KLHL30: variants seen among roughly 807,000 people sequenced by gnomAD.
KLHL30 encodes kelch-like protein 30.
Under a neutral mutation model 55.0 loss-of-function variants are expected in KLHL30, and 55 were observed. That is an observed-to-expected ratio of 1.00 (90% CI 0.80 to 1.25). The LOEUF is 1.25. Among genes scored for constraint, KLHL30 ranks in the 50% most tolerant of loss-of-function variants. The pLI is 0.00. For missense variants in KLHL30, 786 were observed against 811.6 expected, an observed-to-expected ratio of 0.97 and a Z score of 0.38; for synonymous variants, 356 against 372.6, an observed-to-expected ratio of 0.96 and a Z score of 0.51.
intron 7 of KLHL30, among the ~76,000 whole-genome samples, chr2:238,150,052 C>T (rs1197876394): frequency 6.6e-6 from 1 of 152,204 alleles, no homozygotes; most frequent in Non-Finnish European, 1.5e-5. Context: ...CGTCACTGCT[C>T]AGCTGACCCA....
Position 238,141,369 on chromosome 2 carries a change from C to T in KLHL30, c.615C>T (p.Arg205=). ...TCGAGGCCCTGATGCGCTGGGTGCG[C>T]CATGACCCGCAGGCCCGGGCCGCCC... ...SRLEALMRWV[R]HDPQARAAHL... The change falls in exon 2 of 8, where the codon CGC becomes CGT. Residue 205 remains arginine, a synonymous_variant. Transcript: ENST00000409223. The T allele has an allele frequency of 1.9e-6, 3 of 1,597,568 alleles. No homozygotes were observed. The highest frequency in any genetic ancestry group is 1.7e-6 in the Non-Finnish European group (2 of 1,176,576).
At chr2:238,138,914 C>G (rs1327795849) in intron 1 of KLHL30, among the ~76,000 whole-genome samples, 156 bp downstream of exon 1, 1 of 152,208 alleles carries the variant, frequency 6.6e-6, no homozygotes, top group Non-Finnish European at 1.5e-5. Context: ...CCAAGCCAGG[C>G]TCCTCAGGGT....
chr2:238,145,899 A>G, intron 5 of KLHL30, 67 bp downstream of exon 5: 1 of 1,459,300 alleles, frequency 6.9e-7, no homozygotes, highest in Non-Finnish European at 9.1e-7. Flanking sequence ...AGCAACAGGA[A>G]CCGAGAGCCC....
chr2:238,144,399 G>GC (rs1268630313), intron 3 of KLHL30, among the ~76,000 whole-genome samples: 7 of 112,928 alleles, frequency 6.2e-5, no homozygotes, highest in Non-Finnish European at 1.1e-4. Flanking sequence ...AGGAAGGAAG[G>GC]AAGGAAGGAA....
rs769187122 is a variant in KLHL30 at position 238,141,000 on chromosome 2, C to T, written c.246C>T (p.Ala82=). ...ARVELRDVEP[A]VVGQLVDFVY... ...TGGAGCTGCGGGACGTGGAGCCCGC[C>T]GTGGTGGGACAACTGGTGGACTTCG... The change falls in exon 2 of 8, where the codon GCC becomes GCT. Residue 82 remains alanine (A), a synonymous_variant. Coordinates refer to ENST00000409223, the MANE Select transcript of KLHL30 (RefSeq NM_198582.4). The T allele has an allele frequency of 7.4e-6, 12 of 1,612,482 alleles. No individual in the cohort carries two copies. The African/African-American group carries it at 8.0e-5, about 11-fold the overall frequency.
chr2:238,139,247 G>C (rs968634117), intron 1 of KLHL30, among the ~76,000 whole-genome samples: 1 of 152,194 alleles, frequency 6.6e-6, no homozygotes, highest in African/African-American at 2.4e-5. Context: ...TGGCCCAAGG[G>C]AGCACAACAA....
At chr2:238,150,338 C>T (rs1279237678) in intron 7 of KLHL30, among the ~76,000 whole-genome samples, 1 of 152,202 alleles carries the variant, frequency 6.6e-6, no homozygotes, top group Non-Finnish European at 1.5e-5. Context: ...CTCTGGAAAG[C>T]CACCCGCCCT....
At chr2:238,143,113 C>T (rs923017064) in intron 3 of KLHL30, among the ~76,000 whole-genome samples, 182 bp downstream of exon 3, 6 of 152,208 alleles carry the variant, frequency 3.9e-5, no homozygotes, top group South Asian at 2.1e-4. Flanking sequence ...CGAGGTACCC[C>T]GGGAGGGGGA....
At position 238,151,953 on chromosome 2, in the gene KLHL30, C is replaced by T. The variant is rs1692764045; in HGVS notation, c.*888C>T. On this transcript the variant is annotated 3_prime_UTR_variant, in exon 8 of 8. Transcript: ENST00000409223. ...GTAGCATCCGATGGGCCCCTGCCAG[C>T]ATGCAGCCCGACTCCGGCTGGCTCA... The T allele has an allele frequency of 2.0e-6, 2 of 985,388 alleles. No homozygotes were observed. Among genetic ancestry groups the T allele is most frequent in the Non-Finnish European group, 2.4e-6 (2 of 829,972 alleles). The allele number at this position is 985,388 out of a possible 1,614,324, so 61.0% of individuals were successfully genotyped here.
Position 238,152,359 on chromosome 2 carries a change from CTTTTT to C in KLHL30, c.*1316_*1320del, listed in dbSNP as rs5839689. The C allele has an allele frequency of 2.0e-5, 2 of 98,734 alleles. No individual in the cohort carries two copies. The highest frequency in any genetic ancestry group is 3.9e-5 in the Non-Finnish European group (2 of 50,714). The allele number at this position is 98,734 out of a possible 1,614,324, so 6.1% of individuals were successfully genotyped here. Reference sequence around the variant, plus strand: ...TTGCTCCCAGACCTGCCTCTCATAGCTTTTTTTTTTTTTTTTTTTTTTTTTTGAGA... The same window carrying C: ...TTGCTCCCAGACCTGCCTCTCATAGCTTTTTTTTTTTTTTTTTTTTTGAGA... On this transcript the variant is annotated 3_prime_UTR_variant, in exon 8 of 8. Transcript: ENST00000409223.
chr2:238,147,720 G>T lies in KLHL30; in HGVS notation c.1151-114G>T. 1 of 575,358 alleles carries T rather than the reference G, an allele frequency of 1.7e-6. No homozygotes were observed. 35.6% of individuals were successfully genotyped at this position (575,358 alleles called of 1,614,324 possible). On this transcript the variant is annotated intron_variant, in intron 5 of 7. Coordinates refer to ENST00000409223, the MANE Select transcript of KLHL30 (RefSeq NM_198582.4). This position sits in a 1 kb window ranked among gnomAD's most constrained non-coding sequence, Gnocchi z 5.8. ...ACCTCAGCTTCCCTGTCTGTGAAATGGGGAGCCCACCCCACCTCCCACCAC... is the reference window on the plus strand; with the variant it reads ...ACCTCAGCTTCCCTGTCTGTGAAATTGGGAGCCCACCCCACCTCCCACCAC...
intron 4 of KLHL30, 65 bp from the exon 5 acceptor site, chr2:238,145,612 T>A (rs1692632562): frequency 9.1e-6 from 14 of 1,531,832 alleles, no homozygotes; most frequent in African/African-American, 2.8e-5. Flanking sequence ...GACATTGGTA[T>A]CCACACCCCA....
intron 6 of KLHL30, among the ~76,000 whole-genome samples, chr2:238,148,646 G>T (rs565585170): frequency 3.3e-5 from 5 of 152,122 alleles, no homozygotes; most frequent in African/African-American, 1.2e-4. Context: ...CCGGGGTTGG[G>T]GGCTGGGCAG....
At chr2:238,145,614 C>T (rs752759415) in intron 4 of KLHL30, 63 bp from the exon 5 acceptor site, 145 of 1,536,488 alleles carry the variant, frequency 9.4e-5, no homozygotes, top group Non-Finnish European at 1.2e-4. Flanking sequence ...CATTGGTATC[C>T]ACACCCCATG....
Position 238,147,831 on chromosome 2 carries a change from C to T in KLHL30, c.1151-3C>T, listed in dbSNP as rs1692673914. On this transcript the variant is annotated splice_region_variant and splice_polypyrimidine_tract_variant and intron_variant, in intron 5 of 7. Transcript: ENST00000409223. The surrounding 1 kb of genome is among the most constrained non-coding windows in gnomAD (Gnocchi z 5.8). ...CTGAACTGCCCCCGCCCTCACCCCACAGGCACCACCCTGGACGTGGTGGAG... is the reference window on the plus strand; with the variant it reads ...CTGAACTGCCCCCGCCCTCACCCCATAGGCACCACCCTGGACGTGGTGGAG... 2.0e-6 allele frequency: 3 copies of T among 1,480,492 alleles called. No homozygotes were observed. The highest frequency in any genetic ancestry group is 2.9e-5 in the African/African-American group (2 of 69,876). 91.7% of individuals were successfully genotyped at this position (1,480,492 alleles called of 1,614,324 possible).
chr2:238,144,440 C>A (rs371478319), intron 3 of KLHL30, among the ~76,000 whole-genome samples: 6,708 of 88,886 alleles, frequency 0.075, 226 homozygotes, highest in South Asian at 0.13. Flanking sequence ...GGAAGGCAGG[C>A]AGGCAGGCAG....
chr2:238,151,794 A>G lies in KLHL30; in HGVS notation c.*729A>G. The G allele has an allele frequency of 1.3e-6, 1 of 770,898 alleles. No homozygotes were observed. Among genetic ancestry groups the G allele is most frequent in the Non-Finnish European group, 1.6e-6 (1 of 633,988 alleles). 47.8% of individuals were successfully genotyped at this position (770,898 alleles called of 1,614,324 possible). ...GGGGCGGGGCTGGAGGGTCCCAGGG[A>G]GGTGAGCAGTTTTGCTCTCAGAAGG... On this transcript the variant is annotated 3_prime_UTR_variant, in exon 8 of 8. Transcript: ENST00000409223.
In KLHL30 at chr2:238,144,369, CGGAAGGAAGGAAGGAAGGAAGGAA is replaced by C. The variant is rs72453433; in HGVS notation, c.908-490_908-467del. Among the ~76,000 whole-genome samples, 576 of 78,704 alleles carry C rather than the reference CGGAAGGAAGGAAGGAAGGAAGGAA, an allele frequency of 7.3e-3. 2 individuals carry two copies. Among genetic ancestry groups the C allele is most frequent in the East Asian group, 0.014 (44 of 3,100 alleles). 51.6% of individuals were successfully genotyped at this position (78,704 alleles called of 152,430 possible). On this transcript the variant is annotated intron_variant, in intron 3 of 7. Transcript: ENST00000409223. The stretch of plus-strand genomic sequence containing the variant: ...CTGCCAGGAGGGCAGGGAGGGTGCT[CGGAAGGAAGGAAGGAAGGAAGGAA>C]GGAAGGAAGGAAGGAAGGAAGGAAG...
chr2:238,145,456 A>G (rs1460552247), intron 4 of KLHL30, among the ~76,000 whole-genome samples: 1 of 152,150 alleles, frequency 6.6e-6, no homozygotes, highest in Non-Finnish European at 1.5e-5. Flanking sequence ...GCTTCTGCTG[A>G]TGGGGGCTTG....
Sources: allele counts gnomAD v4.1 joint callset (sites outside exome capture counted in the v4.1 genomes callset), GRCh38; gene constraint gnomAD v4.1.1; non-coding constraint Gnocchi (gnomAD v3.1); transcripts MANE v1.5; gene names NCBI Gene and HGNC (gene_info 2026-07-23, HGNC 2026-07-21).